The following SSH3 variants were observed in gnomAD, a reference collection of about 807,000 sequenced individuals.
SSH3 encodes the protein slingshot protein phosphatase 3.
SSH3 carries 67 observed loss-of-function variants against 75.0 expected under a neutral mutation model. The ratio of observed to expected loss-of-function variants is 0.89; its 90% CI spans 0.73 to 1.10. The LOEUF (loss-of-function observed/expected upper bound fraction) is 1.10. Ranked by LOEUF, SSH3 falls within the 50% of genes least tolerant of loss-of-function variation. The probability of loss-of-function intolerance (pLI) is 0.00; values close to 1 mark genes in which losing one functional copy is unlikely to be tolerated. For missense variants in SSH3, 824 were observed against 872.7 expected, an observed-to-expected ratio of 0.94 and a Z score of 0.70; for synonymous variants, 318 against 349.2, an observed-to-expected ratio of 0.91 and a Z score of 1.00.
Position 67,307,941 on chromosome 11 carries a change from T to C in SSH3, c.885+2T>C, listed in dbSNP as rs140131158. ...CTGGAGAGTGTCACTTCCAAAGAGGTGGGCAGGGGGCCCGGGGACTGAGTC... is the reference window on the plus strand; with the variant it reads ...CTGGAGAGTGTCACTTCCAAAGAGGCGGGCAGGGGGCCCGGGGACTGAGTC... On this transcript the variant is annotated splice_donor_variant, in intron 8 of 13. Transcript: ENST00000308127. LOFTEE classifies it high-confidence loss of function. The surrounding 1 kb of genome is among the most constrained non-coding windows in gnomAD (Gnocchi z 4.2). 1 of 1,614,008 alleles carries C rather than the reference T, an allele frequency of 6.2e-7. No homozygotes were observed. Among genetic ancestry groups the C allele is most frequent in the East Asian group, 2.2e-5 (1 of 44,902 alleles).
Position 67,306,911 on chromosome 11 carries a change from G to A in SSH3, c.413G>A (p.Gly138Asp). Residue 138 changes from glycine (G) to aspartate (D), a missense_variant, in exon 4 of 14, where the codon GGT becomes GAT. Transcript: ENST00000308127. ...GTAGTTTCTACACGAGAAGGAGAAG[G>A]TCTGAGCCAGGATGAGACGGTCCTC... ...LLVVSTREGE[G>D]LSQDETVLLG... The A allele has an allele frequency of 6.2e-7, 1 of 1,613,818 alleles. No individual in the cohort carries two copies. The highest frequency in any genetic ancestry group is 8.5e-7 in the Non-Finnish European group (1 of 1,179,776).
At chr11:67,310,989 C>T (rs527760076) in intron 13 of SSH3, among the ~76,000 whole-genome samples, 23 of 152,298 alleles carry the variant, frequency 1.5e-4, no homozygotes, top group African/African-American at 3.1e-4. Context: ...CTCAGTGCTG[C>T]GGGCACAAGC....
chr11:67,310,171 G>A lies in SSH3; in HGVS notation c.1515G>A (p.Glu505=). 1.9e-6 allele frequency: 3 copies of A among 1,614,262 alleles called. No homozygotes were observed. Among genetic ancestry groups the A allele is most frequent in the African/African-American group, 1.3e-5 (1 of 75,074 alleles). Residue 505 remains glutamate (E), a synonymous_variant, in exon 13 of 14, where the codon GAG becomes GAA. Transcript: ENST00000308127. ...TCCCACCTCTTCCGCCAGAACCTGA[G>A]GGTGGTGGGGAGGAGAAGGTTGTAG... ...TPFPPLPPEP[E]GGGEEKVVGM... is the part of the protein sequence containing the mutation.
At chr11:67,305,137 G>T (rs979704923) in intron 3 of SSH3, 130 bp downstream of exon 3, 2 of 840,114 alleles carry the variant, frequency 2.4e-6, no homozygotes, top group African/African-American at 1.7e-5. Context: ...GAGTGTTGGG[G>T]TTACCCATAT....
intron 3 of SSH3, among the ~76,000 whole-genome samples, chr11:67,305,982 TA>T (rs570409438): frequency 1.3e-4 from 19 of 146,472 alleles, no homozygotes; most frequent in South Asian, 6.5e-4. Context: ...AGTGACAGGG[TA>T]AAAAAAAAAC....
At chr11:67,303,997 G>C (rs978409598) in intron 1 of SSH3, 121 bp from the exon 2 acceptor site, 13 of 1,312,758 alleles carry the variant, frequency 9.9e-6, no homozygotes, top group Non-Finnish European at 1.4e-5. Flanking sequence ...CGTGGACTGG[G>C]GTGGGAAGAC....
At chr11:67,310,405 G>A (rs552478237) in intron 13 of SSH3, 66 bp downstream of exon 13, 311 of 1,535,360 alleles carry the variant, frequency 2.0e-4, no homozygotes, top group Non-Finnish European at 2.6e-4. Context: ...GATGGGGAAA[G>A]ACCAGGATGG....
Position 67,309,550 on chromosome 11 carries a change from C to T in SSH3, c.1208+7C>T, listed in dbSNP as rs1326209118. 1.2e-6 allele frequency: 2 copies of T among 1,612,866 alleles called. No individual in the cohort carries two copies. Among genetic ancestry groups the T allele is most frequent in the South Asian group, 1.1e-5 (1 of 91,036 alleles). ...GCTTCATTGAGGCTGCAAGGTCGGT[C>T]TCCTGGCTTTGCTGCCTGCCCCACT... On this transcript the variant is annotated splice_region_variant and intron_variant, in intron 11 of 13. Transcript: ENST00000308127.
At position 67,308,744 on chromosome 11, in the gene SSH3, G is replaced by A. The variant is rs1260347515; in HGVS notation, c.1061+286G>A. Among the ~76,000 whole-genome samples the A allele has an allele frequency of 1.3e-5, 2 of 151,848 alleles. No individual in the cohort carries two copies. Among genetic ancestry groups the A allele is most frequent in the Non-Finnish European group, 2.9e-5 (2 of 67,980 alleles). ...ACGAGAAGCAGCAGCGCATACTGCTGTAACTGCCTTGGACAAGCAGAAAAA... is the reference window on the plus strand; with the variant it reads ...ACGAGAAGCAGCAGCGCATACTGCTATAACTGCCTTGGACAAGCAGAAAAA... On this transcript the variant is annotated intron_variant, in intron 10 of 13. Coordinates refer to ENST00000308127, the MANE Select transcript of SSH3 (RefSeq NM_017857.4). The surrounding 1 kb of genome is among the most constrained non-coding windows in gnomAD (Gnocchi z 4.9).
Position 67,310,304 on chromosome 11 carries a change from C to G in SSH3, c.1648C>G (p.Leu550Val), listed in dbSNP as rs200924167. The G allele has an allele frequency of 5.9e-5, 95 of 1,613,622 alleles. No individual in the cohort carries two copies. The African/African-American group carries it at 1.0e-3, about 17-fold the overall frequency. Residue 550 changes from leucine to valine, a missense_variant, in exon 13 of 14, where the codon CTG becomes GTG. Transcript: ENST00000308127. ...SISLLEPSLE[L>V]ESTSETSDMP... ...CAGTCTTCTGGAGCCCTCCTTGGAG[C>G]TGGAGAGCACCTCAGAGACCAGTGA...
chr11:67,310,800 G>A (rs955492498), intron 13 of SSH3, among the ~76,000 whole-genome samples: 3 of 152,144 alleles, frequency 2.0e-5, no homozygotes, highest in Non-Finnish European at 2.9e-5. Flanking sequence ...GCCTCCCCAG[G>A]CCATGAGCTC....
chr11:67,306,281 T>A, intron 3 of SSH3, among the ~76,000 whole-genome samples: 1 of 126,750 alleles, frequency 7.9e-6, no homozygotes, highest in African/African-American at 3.1e-5. Context: ...AGAGCAAGAC[T>A]CCATTGCAAA....
rs139469296 is a variant in SSH3 at position 67,304,862 on chromosome 11, C to T, written c.194C>T (p.Thr65Ile). 108 of 1,613,864 alleles carry T rather than the reference C, an allele frequency of 6.7e-5. No individual in the cohort carries two copies. In the African/African-American group the frequency reaches 1.4e-3, roughly 20 times the overall value. The change falls in exon 3 of 14, where the codon ACA (threonine) becomes ATA (isoleucine). Residue 65 changes from threonine (T) to isoleucine (I), a missense_variant. Coordinates refer to ENST00000308127, the MANE Select transcript of SSH3 (RefSeq NM_017857.4). ...DDAAEASSEPTEKAPSEEELH... is the reference protein window; with the variant it reads ...DDAAEASSEPIEKAPSEEELH... ...GCAGCAGAGGCCAGTTCTGAGCCAA[C>T]AGAGAAGGCCCCGAGTGAGGAGGAG... is the stretch of plus-strand genomic sequence containing the variant.
chr11:67,303,987 C>A, intron 1 of SSH3, 131 bp from the exon 2 acceptor site: 1 of 1,230,228 alleles, frequency 8.1e-7, no homozygotes, highest in South Asian at 1.4e-5. Context: ...CCCGGTGGGG[C>A]GTGGACTGGG....
chr11:67,307,675 C>T lies in SSH3; in HGVS notation c.729C>T (p.Leu243=). 1 of 1,614,090 alleles carries T rather than the reference C, an allele frequency of 6.2e-7. No individual in the cohort carries two copies. ...QERLNSEQSC[L]NEWTAMADLE... ...GACTGAACTCCGAACAGAGCTGCCT[C>T]AATGAGTGGACGGCTATGGCCGACC... is the stretch of plus-strand genomic sequence containing the variant. Residue 243 remains leucine (L), a synonymous_variant, in exon 7 of 14, where the codon CTC becomes CTT. Transcript: ENST00000308127. The surrounding 1 kb of genome is among the most constrained non-coding windows in gnomAD (Gnocchi z 4.2).
At position 67,304,770 on chromosome 11, in the gene SSH3, C is replaced by T. The variant is rs2134766324; in HGVS notation, c.105-3C>T. On this transcript the variant is annotated splice_polypyrimidine_tract_variant and splice_region_variant and intron_variant, in intron 2 of 13. Transcript: ENST00000308127. ...CCATGACAGTTGCCCACTGCCCTGC[C>T]AGGCAGAGCTTTGCGGTGCTCCGTG... 4 of 1,597,136 alleles carry T rather than the reference C, an allele frequency of 2.5e-6. No homozygotes were observed. In the East Asian group the frequency reaches 9.0e-5, roughly 36 times the overall value.
chr11:67,308,821 G>A lies in SSH3; in HGVS notation c.1061+363G>A, dbSNP rs1408575931. On this transcript the variant is annotated intron_variant, in intron 10 of 13. Coordinates refer to ENST00000308127, the MANE Select transcript of SSH3 (RefSeq NM_017857.4). The surrounding 1 kb of genome is among the most constrained non-coding windows in gnomAD (Gnocchi z 4.9). ...CCAGCTACTTGGGAGGCTGAGGCAG[G>A]AGGATCGCTTGAGCCCTGGAGATTG... Among the ~76,000 whole-genome samples, 4 of 152,112 alleles carry A rather than the reference G, an allele frequency of 2.6e-5. No individual in the cohort carries two copies. Among genetic ancestry groups the A allele is most frequent in the Non-Finnish European group, 5.9e-5 (4 of 68,030 alleles).
rs1469026093 is a variant in SSH3, at chr11:67,303,635, G to A, written c.10G>A (p.Val4Ile). Residue 4 changes from valine (V) to isoleucine (I), a missense_variant, in exon 1 of 14, where the codon GTC becomes ATC. Val to Ile is a conservative substitution (Grantham distance 29). Transcript: ENST00000308127. ...CTCGCGGCCTGGCTCCATGGCCCTGGTCACAGTGAGCCGTTCGCCCCCGGG... is the reference window on the plus strand; with the variant it reads ...CTCGCGGCCTGGCTCCATGGCCCTGATCACAGTGAGCCGTTCGCCCCCGGG... MAL[V>I]TVSRSPPGSG... The A allele has an allele frequency of 5.3e-6, 8 of 1,516,724 alleles. No individual in the cohort carries two copies. The highest frequency in any genetic ancestry group is 7.0e-6 in the Non-Finnish European group (8 of 1,138,924). The allele number at this position is 1,516,724 out of a possible 1,614,324, so 94.0% of individuals were successfully genotyped here.
intron 13 of SSH3, 39 bp downstream of exon 13, chr11:67,310,378 G>A (rs1861377886): frequency 6.4e-7 from 1 of 1,565,670 alleles, no homozygotes; most frequent in Non-Finnish European, 8.7e-7. Flanking sequence ...TGCAGGGGTG[G>A]GGGCCATAAG....
Sources: gnomAD v4.1 joint callset for allele counts (sites outside exome capture counted in the v4.1 genomes callset) on GRCh38, gnomAD v4.1.1 for gene constraint, Gnocchi (gnomAD v3.1) non-coding constraint, MANE v1.5 for transcripts, NCBI Gene and HGNC (gene_info 2026-07-23, HGNC 2026-07-21) for gene names.